MEAK7: variants seen among roughly 807,000 people sequenced by gnomAD.
MEAK7 encodes MTOR associated protein MEAK7, also known as MTOR-associated protein MEAK7.
A neutral mutation model predicts 40.5 loss-of-function variants in MEAK7; 68 were observed. The ratio of observed to expected loss-of-function variants is 1.68; its 90% CI spans 1.38 to 2.06. MEAK7 has a LOEUF of 2.06. Among genes scored for constraint, MEAK7 ranks in the 30% most tolerant of loss-of-function variants. The probability of loss-of-function intolerance (pLI) is 0.00; values close to 1 mark genes in which losing one functional copy is unlikely to be tolerated. For missense variants in MEAK7, 918 were observed against 580.5 expected (o/e 1.58, Z -5.98); for synonymous variants, 338 against 231.9 (o/e 1.46, Z -4.16).
chr16:84,483,822 G>C (rs1368305930), intron 5 of MEAK7, among the ~76,000 whole-genome samples: 1 of 152,206 alleles, frequency 6.6e-6, no homozygotes, highest in African/African-American at 2.4e-5. Context: ...GATCCCATGA[G>C]GACAAGGTGT....
chr16:84,497,295 C>T (rs1914129778), intron 2 of MEAK7: 1 of 703,774 alleles, frequency 1.4e-6, no homozygotes, highest in African/African-American at 1.9e-5. Flanking sequence ...AGCTGAGAGC[C>T]CCATGGAACG....
intron 7 of MEAK7, 73 bp from the exon 8 acceptor site, chr16:84,480,099 C>G (rs2150621319): frequency 7.9e-7 from 1 of 1,260,736 alleles, no homozygotes; most frequent in African/African-American, 1.5e-5. Flanking sequence ...TGCTAGTTTT[C>G]CAGCCTTCTT....
intron 5 of MEAK7, among the ~76,000 whole-genome samples, chr16:84,483,995 G>A (rs1169345539): frequency 6.6e-6 from 1 of 152,198 alleles, no homozygotes; most frequent in African/African-American, 2.4e-5. Context: ...CTTGAGGGCA[G>A]GTTTAGACGC....
chr16:84,495,875 G>C lies in MEAK7; in HGVS notation c.192C>G (p.Thr64=). Residue 64 remains threonine, a synonymous_variant, in exon 3 of 8, where the codon ACC becomes ACG. Transcript: ENST00000343629. The part of the protein sequence containing the change: ...VGEALPPEMV[T]RLYDGMRRVD... Reference sequence around the variant, plus strand: ...CCCTCCGCATGCCATCATACAGCCTGGTGACCATCTCTGGGGGAAGAGCTT... The same window carrying C: ...CCCTCCGCATGCCATCATACAGCCTCGTGACCATCTCTGGGGGAAGAGCTT... 6.2e-7 allele frequency: 1 copy of C among 1,614,100 alleles called. No homozygotes were observed. The highest frequency in any genetic ancestry group is 8.5e-7 in the Non-Finnish European group (1 of 1,180,032).
chr16:84,498,204 C>T, intron 1 of MEAK7, 93 bp from the exon 2 acceptor site: 1 of 1,388,650 alleles, frequency 7.2e-7, no homozygotes, highest in Admixed American at 2.4e-5. Context: ...TTAATATATA[C>T]TGATATAGCC....
intron 1 of MEAK7, among the ~76,000 whole-genome samples, chr16:84,501,263 G>C (rs396481): frequency 0.51 from 78,079 of 151,952 alleles, 22,105 homozygotes; most frequent in Non-Finnish European, 0.64. Flanking sequence ...CAGGAAGTGG[G>C]AACAGCACGC....
rs1913118677 is a variant in MEAK7 at position 84,486,850 on chromosome 16, C to T, written c.739G>A (p.Asp247Asn). 6.8e-6 allele frequency: 11 copies of T among 1,614,152 alleles called. No homozygotes were observed. The highest frequency in any genetic ancestry group is 9.3e-6 in the Non-Finnish European group (11 of 1,180,034). ...TTGATGTACATGACAGAGAGGACAT[C>T]CAGGATGCTCTCAAAACCCCTGCCC... Reference protein sequence around the residue: ...DQGRGFESILDVLSVMYINAQ... With the variant: ...DQGRGFESILNVLSVMYINAQ... Residue 247 changes from aspartate to asparagine, a missense_variant, in exon 5 of 8, where the codon GAT (aspartate) becomes AAT (asparagine). Coordinates refer to ENST00000343629, the MANE Select transcript of MEAK7 (RefSeq NM_020947.4).
intron 2 of MEAK7, 134 bp downstream of exon 2, chr16:84,497,800 C>G: frequency 2.8e-6 from 4 of 1,404,872 alleles, no homozygotes; most frequent in Non-Finnish European, 3.9e-6. Flanking sequence ...ACATCTGGCC[C>G]TTTACAGAAA....
At position 84,497,895 on chromosome 16, in the gene MEAK7, G is replaced by C. The variant is rs557134539; in HGVS notation, c.153+39C>G. 1.4e-4 allele frequency: 230 copies of C among 1,613,190 alleles called. 1 individual carries two copies. Among genetic ancestry groups the C allele is most frequent in the Middle Eastern group, 3.3e-4 (2 of 6,052 alleles). On this transcript the variant is annotated intron_variant, in intron 2 of 7. Transcript: ENST00000343629. ...TGAAAGCCACAGTTTGCAGACCCCT[G>C]CTCCCAACTAAACATGAACCACGGG...
chr16:84,488,554 T>C (rs527533217), intron 4 of MEAK7: 2 of 152,282 alleles, frequency 1.3e-5, no homozygotes, highest in African/African-American at 2.4e-5. Flanking sequence ...AAATGATGCA[T>C]CAACAAATTT....
chr16:84,491,653 A>G (rs1295646807), intron 3 of MEAK7, among the ~76,000 whole-genome samples: 1 of 151,688 alleles, frequency 6.6e-6, no homozygotes, highest in East Asian at 1.9e-4. Flanking sequence ...ACTGGCTAAC[A>G]TGGTGAAACC....
At chr16:84,480,118 T>A in intron 7 of MEAK7, 92 bp from the exon 8 acceptor site, 1 of 1,061,226 alleles carries the variant, frequency 9.4e-7, no homozygotes. Flanking sequence ...TTGGGTGGAA[T>A]CAGGCTCCGG....
chr16:84,501,190 G>C (rs11643825), intron 1 of MEAK7, among the ~76,000 whole-genome samples: 2 of 149,676 alleles, frequency 1.3e-5, no homozygotes, highest in African/African-American at 4.9e-5. Context: ...GAAGAGTGAA[G>C]AGTGGAAAAG....
chr16:84,497,351 A>T, intron 2 of MEAK7: 1 of 1,180,952 alleles, frequency 8.5e-7, no homozygotes, highest in Non-Finnish European at 1.1e-6. Flanking sequence ...CTGCAAGATG[A>T]GCCTTGAATC....
chr16:84,496,725 C>T (rs780325613), intron 2 of MEAK7, among the ~76,000 whole-genome samples: 51 of 152,120 alleles, frequency 3.4e-4, no homozygotes, highest in Non-Finnish European at 2.1e-4. Context: ...ACCACCTAAG[C>T]GTCCTGGGTG....
intron 3 of MEAK7, among the ~76,000 whole-genome samples, chr16:84,491,560 TG>T (rs1913612313): frequency 1.1e-5 from 1 of 93,866 alleles, no homozygotes; most frequent in Non-Finnish European, 2.3e-5. Flanking sequence ...AAAAAACGTC[TG>T]GGCACGGTGA....
At chr16:84,491,833 T>C (rs575910645) in intron 3 of MEAK7, among the ~76,000 whole-genome samples, 1 of 118,590 alleles carries the variant, frequency 8.4e-6, no homozygotes, top group African/African-American at 3.0e-5. Context: ...CAAGACTCCG[T>C]CTCAAAAAAA....
rs1156548264 is a variant in MEAK7 at position 84,486,760 on chromosome 16, G to C, written c.829C>G (p.His277Asp). The stretch of plus-strand genomic sequence containing the variant: ...TGGCCACAGAGCTGGGAGAAGCTGT[G>C]TCCATGGAGCTCAGACGAAAAGAGC... ...CLLFSSELHG[H>D]SFSQLCGHIT... The change falls in exon 5 of 8, where the codon CAC becomes GAC. Residue 277 changes from histidine (H) to aspartate (D), a missense_variant. Coordinates refer to ENST00000343629, the MANE Select transcript of MEAK7 (RefSeq NM_020947.4). 1 of 1,614,052 alleles carries C rather than the reference G, an allele frequency of 6.2e-7. No individual in the cohort carries two copies. Among genetic ancestry groups the C allele is most frequent in the Non-Finnish European group, 8.5e-7 (1 of 1,179,906 alleles).
intron 2 of MEAK7, chr16:84,497,302 A>G: frequency 1.3e-6 from 1 of 775,182 alleles, no homozygotes; most frequent in Middle Eastern, 5.2e-4. Flanking sequence ...AGCCCCATGG[A>G]ACGGGGAAAA....
Sources: allele counts gnomAD v4.1 joint callset (sites outside exome capture counted in the v4.1 genomes callset), GRCh38; gene constraint gnomAD v4.1.1; transcripts MANE v1.5; gene names NCBI Gene and HGNC (gene_info 2026-07-23, HGNC 2026-07-21).